Variants in GLT1D1 observed in about 807,000 individuals in gnomAD.
The protein encoded by GLT1D1 is glycosyltransferase 1 domain containing 1.
GLT1D1 carries 21 observed loss-of-function variants against 28.7 expected under a neutral mutation model. The ratio of observed to expected loss-of-function variants is 0.73; its 90% CI spans 0.52 to 1.05. GLT1D1 has a LOEUF of 1.05. GLT1D1 is among the 50% of genes least tolerant of loss of function. The pLI is 0.00. For missense variants in GLT1D1, 343 were observed against 330.6 expected (o/e 1.04, Z -0.29); for synonymous variants, 147 against 124.8 (o/e 1.18, Z -1.19).
intron 4 of GLT1D1, chr12:128,944,762 T>G: frequency 2.0e-6 from 1 of 506,326 alleles, no homozygotes; most frequent in Admixed American, 2.8e-5. Flanking sequence ...GAGTTTCCCT[T>G]GGTCAATGAA....
intron 4 of GLT1D1, chr12:128,944,601 G>A: frequency 1.3e-6 from 1 of 742,776 alleles, no homozygotes. Flanking sequence ...TGACCTCAAA[G>A]GACATATTCA....
Position 128,945,315 on chromosome 12 carries a change from T to C in GLT1D1, c.376-11T>C, listed in dbSNP as rs1357703825. The C allele has an allele frequency of 9.3e-6, 15 of 1,613,904 alleles. No individual in the cohort carries two copies. Among genetic ancestry groups the C allele is most frequent in the Non-Finnish European group, 1.1e-5 (13 of 1,179,874 alleles). On this transcript the variant is annotated splice_polypyrimidine_tract_variant and intron_variant, in intron 4 of 7. Transcript: ENST00000281703. ...CGGCGACCGCTGACATTTATCTTTGTCTCTTTTCAGGTCGATCCAGTGTTT... is the reference window on the plus strand; with the variant it reads ...CGGCGACCGCTGACATTTATCTTTGCCTCTTTTCAGGTCGATCCAGTGTTT...
At chr12:128,861,325 G>GT (rs1956365802) in intron 1 of GLT1D1, among the ~76,000 whole-genome samples, 1 of 152,126 alleles carries the variant, frequency 6.6e-6, no homozygotes, top group African/African-American at 2.4e-5. Context: ...GAACCCAAAG[G>GT]TATTTCCTCT....
At chr12:128,882,894 CTATTTATTTATT>C (rs60181904) in intron 2 of GLT1D1, among the ~76,000 whole-genome samples, 23,993 of 149,690 alleles carry the variant, frequency 0.16, 2,159 homozygotes, top group South Asian at 0.27. Flanking sequence ...CCTCCTCTTT[CTATTTATTTATT>C]TATTTATTTA....
intron 4 of GLT1D1, among the ~76,000 whole-genome samples, chr12:128,901,149 G>A (rs138901603): frequency 1.7e-4 from 26 of 152,282 alleles, no homozygotes; most frequent in African/African-American, 5.3e-4. Context: ...TAATACTAAC[G>A]AAGGCAGTGG....
At chr12:128,939,992 A>T (rs1312235072) in intron 4 of GLT1D1, among the ~76,000 whole-genome samples, 1 of 151,738 alleles carries the variant, frequency 6.6e-6, no homozygotes, top group African/African-American at 2.4e-5. Flanking sequence ...ATGTACACAC[A>T]TATGTGTGCA....
chr12:128,888,163 C>T (rs1189813786), intron 2 of GLT1D1, among the ~76,000 whole-genome samples: 1 of 152,188 alleles, frequency 6.6e-6, no homozygotes, highest in Non-Finnish European at 1.5e-5. Flanking sequence ...CCCTGCTGTA[C>T]TGAACAGTTC....
chr12:128,882,167 G>T (rs920041451), intron 2 of GLT1D1, among the ~76,000 whole-genome samples: 23 of 151,940 alleles, frequency 1.5e-4, no homozygotes, highest in African/African-American at 5.3e-4. Context: ...ATTAGTATTT[G>T]CTGAGAAAAT....
intron 7 of GLT1D1, among the ~76,000 whole-genome samples, chr12:128,973,747 G>A (rs1353362544): frequency 6.6e-6 from 1 of 152,072 alleles, no homozygotes; most frequent in Admixed American, 6.6e-5. Flanking sequence ...GCACCTTTCA[G>A]CCAGCCGGGT....
At chr12:128,980,357 G>A (rs76996260) in intron 7 of GLT1D1, among the ~76,000 whole-genome samples, 3,826 of 152,290 alleles carry the variant, frequency 0.025, 164 homozygotes, top group African/African-American at 0.087. Flanking sequence ...AAACATTCAC[G>A]GTTCTCTTGT....
Position 128,897,526 on chromosome 12 carries a change from C to T in GLT1D1, c.324-1710C>T, listed in dbSNP as rs970472107. On this transcript the variant is annotated intron_variant, in intron 3 of 7. Coordinates refer to ENST00000281703, the MANE Select transcript of GLT1D1 (RefSeq NM_144669.3). ...CAGGCTGAGGCCAGCTGCTTGTTCT[C>T]TTATATCATTCCAGACTTCTCTTGT... 3.9e-5 allele frequency among the ~76,000 whole-genome samples: 6 copies of T among 152,126 alleles called. No homozygotes were observed. The South Asian group carries it at 1.2e-3, about 32-fold the overall frequency.
At chr12:128,957,230 C>T (rs1025399302) in intron 6 of GLT1D1, among the ~76,000 whole-genome samples, 2 of 152,144 alleles carry the variant, frequency 1.3e-5, no homozygotes, top group Admixed American at 6.5e-5. Context: ...ATGCTCCATG[C>T]GGTCGGTCGG....
chr12:128,943,985 A>C (rs900347700), intron 4 of GLT1D1, among the ~76,000 whole-genome samples: 1 of 152,158 alleles, frequency 6.6e-6, no homozygotes, highest in Non-Finnish European at 1.5e-5. Flanking sequence ...GATTACTACC[A>C]AATGCTCTTT....
intron 2 of GLT1D1, among the ~76,000 whole-genome samples, chr12:128,887,386 A>G (rs1868514137): frequency 6.6e-6 from 1 of 151,904 alleles, no homozygotes; most frequent in Non-Finnish European, 1.5e-5. Context: ...GTGTACTATC[A>G]CAGATGCTCT....
intron 6 of GLT1D1, among the ~76,000 whole-genome samples, chr12:128,954,028 G>A (rs1229676296): frequency 6.6e-6 from 1 of 152,128 alleles, no homozygotes; most frequent in Non-Finnish European, 1.5e-5. Context: ...TTACAGGTGT[G>A]AGCCACTGCG....
chr12:128,935,494 T>C (rs935485832), intron 4 of GLT1D1, among the ~76,000 whole-genome samples: 1 of 150,820 alleles, frequency 6.6e-6, no homozygotes, highest in Non-Finnish European at 1.5e-5. Context: ...TGAGCCAAGA[T>C]TGTGCCATTG....
At chr12:128,880,483 A>AAAG (rs1210838340) in intron 2 of GLT1D1, among the ~76,000 whole-genome samples, 3 of 152,244 alleles carry the variant, frequency 2.0e-5, no homozygotes, top group African/African-American at 7.2e-5. Context: ...TTTGAAGGTT[A>AAAG]AAGTCTCTCT....
At chr12:128,915,556 G>C (rs1056045647) in intron 4 of GLT1D1, among the ~76,000 whole-genome samples, 3 of 151,904 alleles carry the variant, frequency 2.0e-5, no homozygotes, top group African/African-American at 7.3e-5. Context: ...ATGGAGACGG[G>C]GTTTTGCCGT....
At chr12:128,971,306 T>TTCCG (rs138760388) in intron 7 of GLT1D1, among the ~76,000 whole-genome samples, 1 of 128,546 alleles carries the variant, frequency 7.8e-6, no homozygotes, top group Non-Finnish European at 1.7e-5. Context: ...CCCTCCCTCC[T>TTCCG]TCCTTCCTTC....
Sources: allele counts gnomAD v4.1 joint callset (sites outside exome capture counted in the v4.1 genomes callset), GRCh38; gene constraint gnomAD v4.1.1; transcripts MANE v1.5; gene names NCBI Gene and HGNC (gene_info 2026-07-23, HGNC 2026-07-21).